Variants in PTPN22 observed in about 807,000 individuals in gnomAD.
PTPN22 encodes protein tyrosine phosphatase non-receptor type 22, also known as tyrosine-protein phosphatase non-receptor type 22.
A neutral mutation model predicts 103.3 loss-of-function variants in PTPN22; 85 were observed. The observed-to-expected ratio is 0.82, with a 90% confidence interval of 0.69 to 0.99. The LOEUF is 0.99. Ranked by LOEUF, PTPN22 falls within the 50% of genes least tolerant of loss-of-function variation. The probability of loss-of-function intolerance (pLI) is 0.00; values close to 1 mark genes in which losing one functional copy is unlikely to be tolerated. For synonymous variants in PTPN22, 323 were observed against 310.2 expected, an observed-to-expected ratio of 1.04 and a Z score of -0.43; for missense variants, 865 against 936.9, an observed-to-expected ratio of 0.92 and a Z score of 1.00.
At chr1:113,838,456 G>A (rs774830329) in intron 12 of PTPN22, 49 bp from the exon 13 acceptor site, 11 of 1,585,756 alleles carry the variant, frequency 6.9e-6, no homozygotes, top group Middle Eastern at 1.7e-4. Context: ...CAAACAGGCC[G>A]CTTCCTAGCA....
intron 11 of PTPN22, among the ~76,000 whole-genome samples, chr1:113,844,836 T>G (rs1276837256): frequency 2.0e-5 from 3 of 152,244 alleles, no homozygotes; most frequent in African/African-American, 7.2e-5. Flanking sequence ...AATTAATTTT[T>G]GAGACAGGGT....
chr1:113,854,379 C>A, intron 9 of PTPN22, 92 bp downstream of exon 9: 1 of 1,179,642 alleles, frequency 8.5e-7, no homozygotes, highest in Non-Finnish European at 1.2e-6. Context: ...AAAGATGAAT[C>A]ATGAAGATAG....
intron 3 of PTPN22, 148 bp downstream of exon 3, chr1:113,858,854 G>A: frequency 4.4e-6 from 6 of 1,350,020 alleles, no homozygotes; most frequent in Non-Finnish European, 5.9e-6. Flanking sequence ...GCCCAGGCTG[G>A]TCTGAAATTC....
intron 11 of PTPN22, among the ~76,000 whole-genome samples, chr1:113,847,665 G>T (rs1454591251): frequency 6.7e-6 from 1 of 149,840 alleles, no homozygotes; most frequent in Non-Finnish European, 1.5e-5. Flanking sequence ...TGCAACCTCC[G>T]CCTCCTGGGT....
intron 14 of PTPN22, 37 bp downstream of exon 14, chr1:113,834,872 TC>T (rs746990478): frequency 2.1e-6 from 3 of 1,446,374 alleles, no homozygotes; most frequent in African/African-American, 1.5e-5. Flanking sequence ...ACCATGCCCA[TC>T]CCACACTTTA....
chr1:113,845,491 C>T (rs1031645407), intron 11 of PTPN22, among the ~76,000 whole-genome samples: 5 of 152,100 alleles, frequency 3.3e-5, no homozygotes, highest in African/African-American at 1.2e-4. Context: ...GTGTGAGCCA[C>T]TGCTCCCAGG....
exon 21 of PTPN22, chr1:113,814,319 C>A (rs1661006550): frequency 6.6e-6 from 1 of 152,102 alleles, no homozygotes; most frequent in Non-Finnish European, 1.5e-5. Context: ...TTGTTACATT[C>A]AAATAATTGT....
chr1:113,869,435 TC>T (rs1666392817), intron 1 of PTPN22, among the ~76,000 whole-genome samples: 1 of 151,596 alleles, frequency 6.6e-6, no homozygotes. Flanking sequence ...GCTCTTGTTG[TC>T]CAGGCTGGAG....
At chr1:113,854,003 C>A (rs1326407607) in intron 9 of PTPN22, among the ~76,000 whole-genome samples, 1 of 151,078 alleles carries the variant, frequency 6.6e-6, no homozygotes, top group Non-Finnish European at 1.5e-5. Context: ...GTAGTGGGGA[C>A]TACAGGCGTC....
At chr1:113,818,103 T>A (rs1661303883) in intron 20 of PTPN22, among the ~76,000 whole-genome samples, 1 of 152,112 alleles carries the variant, frequency 6.6e-6, no homozygotes, top group South Asian at 2.1e-4. Context: ...TCATAGTTTT[T>A]ACAATATTCT....
Position 113,849,535 on chromosome 1 carries a change from T to C in PTPN22, c.829-909A>G, listed in dbSNP as rs909760211. Reference sequence around the variant, plus strand: ...CAAAGATAATTTTAGCAGGAAACAATGCAGAGTCTATATCATTCAACACAG... The same window carrying C: ...CAAAGATAATTTTAGCAGGAAACAACGCAGAGTCTATATCATTCAACACAG... On this transcript the variant is annotated intron_variant, in intron 10 of 20. Transcript: ENST00000359785. 3.3e-5 allele frequency among the ~76,000 whole-genome samples: 5 copies of C among 152,154 alleles called. No individual in the cohort carries two copies. In the East Asian group the frequency reaches 5.8e-4, roughly 18 times the overall value.
intron 9 of PTPN22, among the ~76,000 whole-genome samples, chr1:113,853,033 G>C (rs1300120897): frequency 6.6e-6 from 1 of 152,166 alleles, no homozygotes; most frequent in African/African-American, 2.4e-5. Context: ...CTGTCTCCCG[G>C]GTTCAAGCGA....
At chr1:113,841,593 ACT>A (rs1260224166) in intron 11 of PTPN22, among the ~76,000 whole-genome samples, 1 of 134,116 alleles carries the variant, frequency 7.5e-6, no homozygotes, top group Non-Finnish European at 1.6e-5. Flanking sequence ...CATGTAAACA[ACT>A]CTTTTTTTTT....
At chr1:113,819,479 A>G (rs1661417284) in intron 20 of PTPN22, 98 bp downstream of exon 20, 1 of 826,036 alleles carries the variant, frequency 1.2e-6, no homozygotes, top group South Asian at 2.0e-5. Flanking sequence ...AAGGACCTAT[A>G]CATGCAACCT....
chr1:113,849,970 C>T (rs573171813), intron 10 of PTPN22, among the ~76,000 whole-genome samples: 1 of 151,970 alleles, frequency 6.6e-6, no homozygotes, highest in South Asian at 2.1e-4. Context: ...CCGAGGCAGG[C>T]AGATCACGAA....
At chr1:113,849,721 C>T (rs887303444) in intron 10 of PTPN22, among the ~76,000 whole-genome samples, 4 of 151,706 alleles carry the variant, frequency 2.6e-5, no homozygotes, top group South Asian at 2.1e-4. Flanking sequence ...CCAAGTAAGT[C>T]GGGACTGCAG....
intron 20 of PTPN22, 189 bp downstream of exon 20, chr1:113,819,388 A>G: frequency 2.8e-6 from 1 of 351,680 alleles, no homozygotes; most frequent in Non-Finnish European, 5.1e-6. Flanking sequence ...TATACTAGAT[A>G]ATTTAGTTCT....
At chr1:113,822,814 G>T (rs973812663) in intron 19 of PTPN22, among the ~76,000 whole-genome samples, 1 of 152,140 alleles carries the variant, frequency 6.6e-6, no homozygotes, top group Non-Finnish European at 1.5e-5. Flanking sequence ...ACAAAAATTA[G>T]CTGGGCATAG....
chr1:113,841,653 A>T (rs1663559639), intron 11 of PTPN22, among the ~76,000 whole-genome samples: 1 of 149,970 alleles, frequency 6.7e-6, no homozygotes, highest in South Asian at 2.1e-4. Context: ...CCCAGGCTAG[A>T]GTGCAGTGGT....
Sources: gnomAD v4.1 joint callset for allele counts (sites outside exome capture counted in the v4.1 genomes callset) on GRCh38, gnomAD v4.1.1 for gene constraint, MANE v1.5 for transcripts, NCBI Gene and HGNC (gene_info 2026-07-23, HGNC 2026-07-21) for gene names.